The following CALCR variants were observed in gnomAD, a reference collection of about 807,000 sequenced individuals.
CALCR encodes calcitonin receptor.
Under a neutral mutation model 59.5 loss-of-function variants are expected in CALCR, and 47 were observed. The ratio of observed to expected loss-of-function variants is 0.79; its 90% CI spans 0.63 to 1.01. CALCR has a LOEUF of 1.01. Among genes scored for constraint, CALCR ranks in the 50% least tolerant of loss-of-function variants. CALCR has a pLI of 0.00. For synonymous variants in CALCR, 213 were observed against 211.3 expected, an observed-to-expected ratio of 1.01 and a Z score of -0.07; for missense variants, 566 against 597.1, an observed-to-expected ratio of 0.95 and a Z score of 0.54.
chr7:93,458,210 C>A (rs1299220424), intron 8 of CALCR, among the ~76,000 whole-genome samples: 1 of 152,046 alleles, frequency 6.6e-6, no homozygotes, highest in Non-Finnish European at 1.5e-5. Flanking sequence ...ATTCATACCA[C>A]AAAAATTATT....
intron 2 of CALCR, among the ~76,000 whole-genome samples, chr7:93,503,316 T>C (rs1801360212): frequency 6.6e-6 from 1 of 152,060 alleles, no homozygotes; most frequent in Non-Finnish European, 1.5e-5. Flanking sequence ...TCACACCCTA[T>C]TGCCCTAAGC....
chr7:93,467,432 T>C (rs1029431653), intron 7 of CALCR, among the ~76,000 whole-genome samples: 1 of 151,572 alleles, frequency 6.6e-6, no homozygotes, highest in African/African-American at 2.4e-5. Flanking sequence ...GATTGAAAAA[T>C]GATGAAGGAA....
intron 2 of CALCR, among the ~76,000 whole-genome samples, chr7:93,569,050 T>A (rs1050700140): frequency 6.7e-6 from 1 of 150,122 alleles, no homozygotes; most frequent in African/African-American, 2.5e-5. Flanking sequence ...CACCAAATCC[T>A]ACAAAATCTA....
intron 2 of CALCR, among the ~76,000 whole-genome samples, chr7:93,544,718 C>T (rs527844446): frequency 5.9e-5 from 9 of 152,232 alleles, no homozygotes; most frequent in Middle Eastern, 3.4e-3. Flanking sequence ...TGGAATGGGA[C>T]TTACCAAGCT....
chr7:93,487,300 T>C (rs539389534), intron 2 of CALCR, among the ~76,000 whole-genome samples: 98 of 151,516 alleles, frequency 6.5e-4, no homozygotes, highest in African/African-American at 2.3e-3. Flanking sequence ...GAGCAACCCA[T>C]GTCAGCTTCA....
intron 2 of CALCR, among the ~76,000 whole-genome samples, chr7:93,493,206 A>T (rs1801122964): frequency 6.6e-6 from 1 of 151,390 alleles, no homozygotes; most frequent in Non-Finnish European, 1.5e-5. Flanking sequence ...ATTGATAATG[A>T]TGGTGGCTTG....
intron 2 of CALCR, among the ~76,000 whole-genome samples, chr7:93,510,788 G>A (rs1211020908): frequency 6.6e-6 from 1 of 152,100 alleles, no homozygotes; most frequent in Non-Finnish European, 1.5e-5. Context: ...CTTGAGCCCA[G>A]GAGTTCAAAG....
chr7:93,444,432 G>A (rs941721648), intron 8 of CALCR, among the ~76,000 whole-genome samples: 1 of 152,090 alleles, frequency 6.6e-6, no homozygotes, highest in Non-Finnish European at 1.5e-5. Context: ...ACCATTGCTT[G>A]TACTGCATAA....
intron 9 of CALCR, among the ~76,000 whole-genome samples, chr7:93,440,389 T>G (rs2115713316): frequency 6.6e-6 from 1 of 152,256 alleles, no homozygotes; most frequent in Middle Eastern, 3.4e-3. Context: ...GGTATTAATT[T>G]CACCCATTTT....
At chr7:93,492,756 T>C (rs899606133) in intron 2 of CALCR, among the ~76,000 whole-genome samples, 1 of 151,192 alleles carries the variant, frequency 6.6e-6, no homozygotes, top group Non-Finnish European at 1.5e-5. Context: ...ATTGCAAAAA[T>C]ATAGGGCCTT....
chr7:93,445,720 A>C (rs1398262846), intron 8 of CALCR, among the ~76,000 whole-genome samples: 1 of 152,044 alleles, frequency 6.6e-6, no homozygotes, highest in Non-Finnish European at 1.5e-5. Flanking sequence ...TGCTTCATTC[A>C]CACTGAACTC....
At chr7:93,537,965 T>G in intron 2 of CALCR, among the ~76,000 whole-genome samples, 1 of 151,746 alleles carries the variant, frequency 6.6e-6, no homozygotes, top group Non-Finnish European at 1.5e-5. Flanking sequence ...AAATAAAACA[T>G]TTATCATATT....
In CALCR at chr7:93,439,864, A is replaced by G. The variant is rs559463918; in HGVS notation, c.803-1594T>C. Among the ~76,000 whole-genome samples the G allele has an allele frequency of 1.9e-4, 29 of 152,284 alleles. No homozygotes were observed. In the East Asian group the frequency reaches 5.2e-3, roughly 27 times the overall value. ...TGCAAAATAAGTGATCTTCCTGAGA[A>G]CTAAACTTCAGTATTTGAAGTTACT... On this transcript the variant is annotated intron_variant, in intron 9 of 13. Transcript: ENST00000426151.
chr7:93,440,590 G>T (rs775985884), intron 9 of CALCR, among the ~76,000 whole-genome samples: 9 of 151,558 alleles, frequency 5.9e-5, no homozygotes, highest in Non-Finnish European at 8.8e-5. Context: ...CTTAGCTTTG[G>T]CATGCTAAAA....
chr7:93,563,402 T>C (rs1367369791), intron 2 of CALCR, among the ~76,000 whole-genome samples: 5 of 152,230 alleles, frequency 3.3e-5, no homozygotes, highest in Non-Finnish European at 1.5e-5. Context: ...TGAAATTCTA[T>C]TTAGAGCCAT....
At chr7:93,572,476 C>T (rs1790029795) in intron 2 of CALCR, among the ~76,000 whole-genome samples, 2 of 152,080 alleles carry the variant, frequency 1.3e-5, no homozygotes, top group South Asian at 4.1e-4. Flanking sequence ...TCCTATTAAC[C>T]CTAATTTGCA....
chr7:93,456,112 A>G (rs1315750117), intron 8 of CALCR, among the ~76,000 whole-genome samples: 2 of 152,134 alleles, frequency 1.3e-5, no homozygotes, highest in East Asian at 3.9e-4. Flanking sequence ...AGCCTAGTTT[A>G]TTTCCTCTGG....
chr7:93,486,886 A>G, intron 3 of CALCR, 45 bp downstream of exon 3: 1 of 1,117,090 alleles, frequency 9.0e-7, no homozygotes, highest in Non-Finnish European at 1.4e-6. Flanking sequence ...CTCCTTATTC[A>G]GCATTCTTCA....
At chr7:93,558,616 A>T (rs920425885) in intron 2 of CALCR, among the ~76,000 whole-genome samples, 2 of 152,070 alleles carry the variant, frequency 1.3e-5, no homozygotes, top group African/African-American at 4.8e-5. Context: ...TCATCATTTA[A>T]CTGGAATAAA....
Sources: gnomAD v4.1 joint callset for allele counts (sites outside exome capture counted in the v4.1 genomes callset) on GRCh38, gnomAD v4.1.1 for gene constraint, MANE v1.5 for transcripts, NCBI Gene and HGNC (gene_info 2026-07-23, HGNC 2026-07-21) for gene names.